NT5C3A: variants seen among roughly 807,000 people sequenced by gnomAD.
NT5C3A encodes 5'-nucleotidase, cytosolic IIIA.
NT5C3A carries 23 observed loss-of-function variants against 40.0 expected under a neutral mutation model. That is an observed-to-expected ratio of 0.58 (90% CI 0.41 to 0.81). The LOEUF is 0.81. Ranked by LOEUF, NT5C3A falls within the 40% of genes least tolerant of loss-of-function variation. NT5C3A has a pLI of 0.00. For synonymous variants in NT5C3A, 130 were observed against 141.4 expected (o/e 0.92, Z 0.57); for missense variants, 328 against 403.0 (o/e 0.81, Z 1.59).
At chr7:33,041,627 T>C (rs1384405305) in intron 1 of NT5C3A, among the ~76,000 whole-genome samples, 2 of 152,112 alleles carry the variant, frequency 1.3e-5, no homozygotes, top group East Asian at 3.8e-4. Flanking sequence ...CTTATACTTT[T>C]AATAAGACCA....
chr7:33,024,275 G>A (rs1384836546), intron 2 of NT5C3A, among the ~76,000 whole-genome samples, 167 bp from the exon 3 acceptor site: 4 of 152,110 alleles, frequency 2.6e-5, no homozygotes, highest in Admixed American at 2.0e-4. Context: ...TTTCTCATGC[G>A]GTTCCTTTAT....
At chr7:33,016,583 T>A (rs553667253) in intron 7 of NT5C3A, among the ~76,000 whole-genome samples, 2 of 150,430 alleles carry the variant, frequency 1.3e-5, no homozygotes, top group African/African-American at 4.9e-5. Flanking sequence ...GTAGGGAGAA[T>A]TGCTTGAACC....
chr7:33,035,103 T>C (rs949940055), intron 1 of NT5C3A, among the ~76,000 whole-genome samples: 4 of 151,326 alleles, frequency 2.6e-5, no homozygotes, highest in African/African-American at 7.3e-5. Context: ...GTATGAATAA[T>C]AACACATAGT....
intron 1 of NT5C3A, among the ~76,000 whole-genome samples, chr7:33,044,367 C>T (rs1787055847): frequency 7.0e-6 from 1 of 143,406 alleles, no homozygotes; most frequent in Non-Finnish European, 1.5e-5. Flanking sequence ...AATGTTGTTT[C>T]TAATAGCTCT....
chr7:33,025,795 T>C (rs1466492287), intron 2 of NT5C3A, among the ~76,000 whole-genome samples: 1 of 152,226 alleles, frequency 6.6e-6, no homozygotes, highest in African/African-American at 2.4e-5. Context: ...ATTTTCTGGA[T>C]TTTATATTCC....
chr7:33,022,067 C>G lies in NT5C3A; in HGVS notation c.340G>C (p.Glu114Gln). The G allele has an allele frequency of 6.5e-7, 1 of 1,531,876 alleles. No homozygotes were observed. Among genetic ancestry groups the G allele is most frequent in the South Asian group, 1.1e-5 (1 of 89,182 alleles). The allele number at this position is 1,531,876 out of a possible 1,614,324, so 94.9% of individuals were successfully genotyped here. The part of the protein sequence containing the change: ...IIDNCKLVTD[E>Q]CRKKLLQLKE... ...TTAGTGTTTACCTTTTTTCTACATT[C>G]ATCTGTAACCAGCTTACAGTTGTCA... The change falls in exon 4 of 9, where the codon GAA (glutamate) becomes CAA (glutamine). Residue 114 changes from glutamate to glutamine, a missense_variant. By Grantham distance (29) the Glu-to-Gln change is conservative. Transcript: ENST00000610140.
chr7:33,043,269 T>C (rs1413019869), intron 1 of NT5C3A, among the ~76,000 whole-genome samples: 2 of 152,084 alleles, frequency 1.3e-5, no homozygotes, highest in African/African-American at 4.8e-5. Flanking sequence ...AGAGTCCAAT[T>C]TGAGAAGGAA....
At chr7:33,044,393 A>T (rs1027937424) in intron 1 of NT5C3A, among the ~76,000 whole-genome samples, 76 of 151,988 alleles carry the variant, frequency 5.0e-4, no homozygotes, top group Middle Eastern at 3.4e-3. Flanking sequence ...ACTTAAAAAA[A>T]TTTTTTTTGA....
intron 1 of NT5C3A, among the ~76,000 whole-genome samples, chr7:33,045,191 T>C (rs995895068): frequency 6.6e-6 from 1 of 152,216 alleles, no homozygotes; most frequent in African/African-American, 2.4e-5. Flanking sequence ...ATACTGACTC[T>C]TGCAAAACTT....
At chr7:33,041,790 T>C (rs1479523339) in intron 1 of NT5C3A, among the ~76,000 whole-genome samples, 1 of 152,038 alleles carries the variant, frequency 6.6e-6, no homozygotes, top group Non-Finnish European at 1.5e-5. Flanking sequence ...ACCTGAGTAG[T>C]AGGGTGGCAA....
intron 5 of NT5C3A, 120 bp from the exon 6 acceptor site, chr7:33,019,844 T>G: frequency 1.4e-6 from 1 of 693,362 alleles, no homozygotes; most frequent in East Asian, 2.7e-5. Context: ...ATTTAAATTT[T>G]AGAGATTGAA....
intron 1 of NT5C3A, among the ~76,000 whole-genome samples, chr7:33,058,153 A>G (rs1787638811): frequency 6.6e-6 from 1 of 152,092 alleles, no homozygotes; most frequent in Non-Finnish European, 1.5e-5. Flanking sequence ...GAAATTAGAA[A>G]AGAAGTCGGT....
At chr7:33,058,361 TTTTG>T in intron 1 of NT5C3A, among the ~76,000 whole-genome samples, 1 of 144,724 alleles carries the variant, frequency 6.9e-6, no homozygotes, top group Non-Finnish European at 1.5e-5. Context: ...TTTTATTTTA[TTTTG>T]AGATGACATC....
At chr7:33,033,142 G>C (rs2128003199) in intron 1 of NT5C3A, among the ~76,000 whole-genome samples, 1 of 152,292 alleles carries the variant, frequency 6.6e-6, no homozygotes, top group Admixed American at 6.5e-5. Flanking sequence ...AGAAATTCCA[G>C]TCAGATGTTC....
At chr7:33,020,839 A>C (rs1022598955) in intron 5 of NT5C3A, among the ~76,000 whole-genome samples, 3 of 127,676 alleles carry the variant, frequency 2.3e-5, no homozygotes, top group South Asian at 2.6e-4. Context: ...AGAATCCGAC[A>C]CAGTGCTTTC....
rs192904990 is a variant in NT5C3A, at chr7:33,016,844, A to G, written c.693+595T>C. Among the ~76,000 whole-genome samples the G allele has an allele frequency of 4.3e-3, 655 of 152,194 alleles. 3 individuals are homozygous for G. The highest frequency in any genetic ancestry group is 7.2e-3 in the Non-Finnish European group (493 of 68,012). ...CAGTTCTAACTCACTTCTTTTTCCA[A>G]CTATGAATGTTAAGGCTTCAAAGTT... On this transcript the variant is annotated intron_variant, in intron 7 of 8. Coordinates refer to ENST00000610140, the MANE Select transcript of NT5C3A (RefSeq NM_001002010.5).
At chr7:33,021,169 A>G in intron 5 of NT5C3A, 103 bp downstream of exon 5, 1 of 1,463,758 alleles carries the variant, frequency 6.8e-7, no homozygotes, top group South Asian at 1.3e-5. Context: ...TAATTTATTA[A>G]TCTGTTTGTT....
chr7:33,062,539 C>T, intron 1 of NT5C3A, 29 bp downstream of exon 1: 1 of 1,599,846 alleles, frequency 6.3e-7, no homozygotes, highest in Non-Finnish European at 8.5e-7. Context: ...CCCTCGCGTG[C>T]TCTGGGCGCG....
At chr7:33,023,889 C>A (rs1293229248) in intron 3 of NT5C3A, 150 bp downstream of exon 3, 3 of 622,244 alleles carry the variant, frequency 4.8e-6, no homozygotes, top group South Asian at 1.9e-5. Flanking sequence ...GAAAAAAAAC[C>A]TCAAAAATAT....
Sources: allele counts gnomAD v4.1 joint callset (sites outside exome capture counted in the v4.1 genomes callset), GRCh38; gene constraint gnomAD v4.1.1; transcripts MANE v1.5; gene names NCBI Gene and HGNC (gene_info 2026-07-23, HGNC 2026-07-21).